Variants in SERPINB12 observed in about 807,000 individuals in gnomAD.
The protein encoded by SERPINB12 is serpin B12.
In SERPINB12, 57 loss-of-function variants were observed where a neutral mutation model predicts 41.1. That is an observed-to-expected ratio of 1.39 (90% CI 1.12 to 1.73). The LOEUF (loss-of-function observed/expected upper bound fraction) is 1.73. Among genes scored for constraint, SERPINB12 ranks in the 40% most tolerant of loss-of-function variants. The pLI is 0.00. For missense variants in SERPINB12, 536 were observed against 501.9 expected, an observed-to-expected ratio of 1.07 and a Z score of -0.65; for synonymous variants, 180 against 181.3, an observed-to-expected ratio of 0.99 and a Z score of 0.06.
At chr18:63,551,430 A>G (rs572862373) in intron 1 of SERPINB12, among the ~76,000 whole-genome samples, 3 of 152,144 alleles carry the variant, frequency 2.0e-5, no homozygotes, top group Admixed American at 2.0e-4. Flanking sequence ...GGTTCAAGCG[A>G]TTCTCCTGCC....
chr18:63,559,725 TG>T lies in SERPINB12; in HGVS notation c.444+8del. ...GGAATTCCCAATCTGTCAGGTGAGT[TG>T]CACACGAATGGTGACTAAAGCTACC... On this transcript the variant is annotated splice_region_variant and intron_variant, in intron 4 of 7. Coordinates refer to ENST00000382768, the MANE Select transcript of SERPINB12 (RefSeq NM_001307928.2). 1 of 1,613,868 alleles carries T rather than the reference TG, an allele frequency of 6.2e-7. No homozygotes were observed. Among genetic ancestry groups the T allele is most frequent in the South Asian group, 1.1e-5 (1 of 91,042 alleles).
chr18:63,559,932 G>T (rs568502113), intron 4 of SERPINB12, among the ~76,000 whole-genome samples: 5 of 152,290 alleles, frequency 3.3e-5, no homozygotes, highest in South Asian at 2.1e-4. Flanking sequence ...GGGGCCCATT[G>T]TGGGTGGAAT....
upstream of SERPINB12, among the ~76,000 whole-genome samples, chr18:63,537,416 G>C (rs906792524): frequency 2.6e-5 from 4 of 152,184 alleles, no homozygotes; most frequent in Non-Finnish European, 5.9e-5. Flanking sequence ...ATGTATTCAG[G>C]TGTGGCCAGA....
intron 1 of SERPINB12, among the ~76,000 whole-genome samples, chr18:63,553,956 C>T (rs945232085): frequency 3.9e-5 from 6 of 152,126 alleles, no homozygotes; most frequent in African/African-American, 1.4e-4. Context: ...TCAAAAAACA[C>T]CCACCAATTA....
the SERPINB12 span, among the ~76,000 whole-genome samples, chr18:63,530,814 G>T: frequency 6.6e-6 from 1 of 152,286 alleles, no homozygotes; most frequent in Non-Finnish European, 1.5e-5. Context: ...CTTTAAAAGG[G>T]AGGGGAAGGT....
chr18:63,566,707 A>G lies in SERPINB12; in HGVS notation c.974A>G (p.Glu325Gly). The G allele has an allele frequency of 6.2e-7, 1 of 1,614,182 alleles. No individual in the cohort carries two copies. The highest frequency in any genetic ancestry group is 1.1e-5 in the South Asian group (1 of 91,074). ...VVLSFPRFTL[E>G]DSYDLNSILQ... Reference sequence around the variant, plus strand: ...CTGTCCTTCCCCCGGTTCACCCTGGAAGACAGCTATGATCTCAATTCCATT... The same window carrying G: ...CTGTCCTTCCCCCGGTTCACCCTGGGAGACAGCTATGATCTCAATTCCATT... The change falls in exon 8 of 8, where the codon GAA becomes GGA. Residue 325 changes from glutamate (E) to glycine (G), a missense_variant. Transcript: ENST00000382768.
chr18:63,551,628 G>T (rs114119877), intron 1 of SERPINB12, among the ~76,000 whole-genome samples: 1 of 152,080 alleles, frequency 6.6e-6, no homozygotes, highest in Admixed American at 6.5e-5. Flanking sequence ...GGACATTTGC[G>T]TTGTTCCTGA....
chr18:63,568,663 T>C lies in SERPINB12; in HGVS notation c.*1652T>C, dbSNP rs563772569. ...GTTTCAGGTCTTGCTTGCGGCTCAG[T>C]TTCCTTGGCCCACCTTGTGGCTGTC... On this transcript the variant is annotated 3_prime_UTR_variant, in exon 8 of 8. Coordinates refer to ENST00000382768, the MANE Select transcript of SERPINB12 (RefSeq NM_001307928.2). Among the ~76,000 whole-genome samples the C allele has an allele frequency of 9.2e-5, 14 of 152,306 alleles. No individual in the cohort carries two copies. The highest frequency in any genetic ancestry group is 3.4e-3 in the Middle Eastern group (1 of 294).
In SERPINB12 at chr18:63,567,151, G is replaced by C. The variant is rs972517089; in HGVS notation, c.*140G>C. On this transcript the variant is annotated 3_prime_UTR_variant, in exon 8 of 8. Coordinates refer to ENST00000382768, the MANE Select transcript of SERPINB12 (RefSeq NM_001307928.2). ...CCAGCCATCGGCTTGTGCTTATCTT[G>C]ATCTTTCTGTCACCCTGTAGCTTAT... The C allele has an allele frequency of 1.2e-6, 1 of 801,280 alleles. No homozygotes were observed. Among genetic ancestry groups the C allele is most frequent in the Non-Finnish European group, 1.9e-6 (1 of 525,948 alleles). 49.6% of individuals were successfully genotyped at this position (801,280 alleles called of 1,614,324 possible). A position where few individuals can be genotyped will look rare whatever the true frequency, so the allele number is the denominator to read the frequency against.
chr18:63,528,457 G>A, the SERPINB12 span, among the ~76,000 whole-genome samples: 3 of 151,990 alleles, frequency 2.0e-5, no homozygotes. Context: ...CATGTCAGGG[G>A]TTTGGACTAA....
the SERPINB12 span, among the ~76,000 whole-genome samples, chr18:63,531,339 C>T: frequency 6.6e-6 from 1 of 152,150 alleles, no homozygotes. Flanking sequence ...CAAGAAACGT[C>T]AAAGACCTGG....
the SERPINB12 span, among the ~76,000 whole-genome samples, chr18:63,533,122 C>G: frequency 3.9e-5 from 6 of 152,064 alleles, no homozygotes; most frequent in African/African-American, 4.8e-5. Context: ...GGATTACAGG[C>G]GCCCACCACC....
At chr18:63,554,593 A>G (rs182025561) in intron 1 of SERPINB12, among the ~76,000 whole-genome samples, 5 of 152,352 alleles carry the variant, frequency 3.3e-5, no homozygotes, top group Non-Finnish European at 4.4e-5. Context: ...GAGACAAAAG[A>G]AAAGGCATTT....
At chr18:63,529,165 T>C in the SERPINB12 span, among the ~76,000 whole-genome samples, 1 of 152,174 alleles carries the variant, frequency 6.6e-6, no homozygotes, top group African/African-American at 2.4e-5. Flanking sequence ...TGGGAATACA[T>C]GTGTCTTAGT....
chr18:63,533,750 T>G, the SERPINB12 span, among the ~76,000 whole-genome samples: 2 of 152,160 alleles, frequency 1.3e-5, no homozygotes, highest in Non-Finnish European at 2.9e-5. Context: ...CTCTTGAACT[T>G]TCATCGCCAA....
chr18:63,562,137 A>G (rs1488891077), intron 5 of SERPINB12, among the ~76,000 whole-genome samples: 2 of 152,162 alleles, frequency 1.3e-5, no homozygotes, highest in Admixed American at 6.5e-5. Flanking sequence ...CTGGGCGGGA[A>G]AGGAGGACAC....
the SERPINB12 span, among the ~76,000 whole-genome samples, chr18:63,521,754 A>G: frequency 6.6e-6 from 1 of 152,128 alleles, no homozygotes; most frequent in African/African-American, 2.4e-5. Context: ...GAGTCTGAAC[A>G]CCTCCAGTAA....
chr18:63,547,847 T>C (rs1261647627), intron 1 of SERPINB12, among the ~76,000 whole-genome samples: 2 of 152,190 alleles, frequency 1.3e-5, no homozygotes, highest in African/African-American at 4.8e-5. Flanking sequence ...ATATATAAAG[T>C]TAATATGAAA....
chr18:63,550,918 T>TAA (rs1910508317), intron 1 of SERPINB12, among the ~76,000 whole-genome samples: 3 of 152,296 alleles, frequency 2.0e-5, no homozygotes, highest in African/African-American at 7.2e-5. Flanking sequence ...TGTTGACCTC[T>TAA]AAAACTGCAG....
Sources: allele counts gnomAD v4.1 joint callset (sites outside exome capture counted in the v4.1 genomes callset), GRCh38; gene constraint gnomAD v4.1.1; transcripts MANE v1.5; gene names NCBI Gene and HGNC (gene_info 2026-07-23, HGNC 2026-07-21).